The following POLR3B variants were observed in gnomAD, a reference collection of about 807,000 sequenced individuals.
POLR3B encodes the protein DNA-directed RNA polymerase III subunit RPC2.
POLR3B carries 96 observed loss-of-function variants against 147.4 expected under a neutral mutation model. The observed-to-expected ratio is 0.65, with a 90% CI of 0.55 to 0.77. The LOEUF (loss-of-function observed/expected upper bound fraction) is 0.77, where lower values mean the gene tolerates loss of function less well. Among genes scored for constraint, POLR3B ranks in the 30% least tolerant of loss-of-function variants. The pLI is 0.00. For missense variants in POLR3B, 1,036 were observed against 1,413.5 expected, an observed-to-expected ratio of 0.73 and a Z score of 4.28; for synonymous variants, 461 against 485.9, an observed-to-expected ratio of 0.95 and a Z score of 0.67.
At chr12:106,463,955 A>C (rs376695480) in intron 23 of POLR3B, among the ~76,000 whole-genome samples, 2 of 151,794 alleles carry the variant, frequency 1.3e-5, no homozygotes, top group Non-Finnish European at 2.9e-5. Flanking sequence ...TTTCTGAAAG[A>C]TACATCTTTA....
intron 23 of POLR3B, among the ~76,000 whole-genome samples, chr12:106,489,015 A>T (rs1451215690): frequency 1.3e-5 from 2 of 152,208 alleles, no homozygotes; most frequent in African/African-American, 4.8e-5. Flanking sequence ...GAGAGAAAAA[A>T]AAAGCAATAT....
intron 18 of POLR3B, among the ~76,000 whole-genome samples, chr12:106,441,602 A>G (rs2037652050): frequency 6.6e-6 from 1 of 152,214 alleles, no homozygotes; most frequent in African/African-American, 2.4e-5. Context: ...GTGGTGTGTG[A>G]CTGTATACAT....
intron 1 of POLR3B, among the ~76,000 whole-genome samples, chr12:106,362,546 C>T (rs1425704373): frequency 2.0e-5 from 3 of 152,314 alleles, no homozygotes; most frequent in African/African-American, 7.2e-5. Context: ...CATCCCTTGG[C>T]TTGCAGAAGC....
intron 10 of POLR3B, among the ~76,000 whole-genome samples, chr12:106,396,654 C>G (rs2036983690): frequency 6.6e-6 from 1 of 152,138 alleles, no homozygotes; most frequent in Non-Finnish European, 1.5e-5. Context: ...GTTAGGAAAG[C>G]CTTCGGAGAG....
In POLR3B at chr12:106,398,472, T is replaced by C. The variant is rs544586400; in HGVS notation, c.846+5319T>C. 9.7e-3 allele frequency among the ~76,000 whole-genome samples: 1,474 copies of C among 152,310 alleles called. 25 individuals carry two copies. The highest frequency in any genetic ancestry group is 0.034 in the African/African-American group (1,408 of 41,564). ...GACTTAAATGTCCCTCTCTGACAGC[T>C]TTGAAGAGAGTAGTGGTTCTCCCAG... On this transcript the variant is annotated intron_variant, in intron 10 of 27. Coordinates refer to ENST00000228347, the MANE Select transcript of POLR3B (RefSeq NM_018082.6).
intron 23 of POLR3B, among the ~76,000 whole-genome samples, chr12:106,471,895 G>A (rs190527286): frequency 9.6e-4 from 145 of 151,034 alleles, no homozygotes; most frequent in Non-Finnish European, 1.5e-3. Flanking sequence ...AAGTTTTAGG[G>A]TACATGTGCA....
intron 12 of POLR3B, among the ~76,000 whole-genome samples, chr12:106,421,087 G>A (rs763856488): frequency 5.3e-5 from 8 of 151,806 alleles, no homozygotes; most frequent in Admixed American, 5.3e-4. Flanking sequence ...TCAACATTAA[G>A]ATGTGTCTAT....
chr12:106,401,229 A>G (rs1177879700), intron 10 of POLR3B, among the ~76,000 whole-genome samples: 1 of 152,248 alleles, frequency 6.6e-6, no homozygotes, highest in Non-Finnish European at 1.5e-5. Context: ...TCTAGAAGAA[A>G]TGGATAAACT....
At position 106,398,227 on chromosome 12, in the gene POLR3B, G is replaced by A. The variant is rs183366105; in HGVS notation, c.846+5074G>A. Among the ~76,000 whole-genome samples, 441 of 152,326 alleles carry A rather than the reference G, an allele frequency of 2.9e-3. 4 individuals are homozygous for A. The highest frequency in any genetic ancestry group is 9.9e-3 in the African/African-American group (411 of 41,570). On this transcript the variant is annotated intron_variant, in intron 10 of 27. Transcript: ENST00000228347. Reference sequence around the variant, plus strand: ...GAGGGTCCTATGCCCACGGAGTCTCGCTCATTGCTAGCACAGCAGTCTGAG... The same window carrying A: ...GAGGGTCCTATGCCCACGGAGTCTCACTCATTGCTAGCACAGCAGTCTGAG...
At chr12:106,369,244 A>G (rs1291950245) in intron 4 of POLR3B, 31 bp from the exon 5 acceptor site, 3 of 1,163,136 alleles carry the variant, frequency 2.6e-6, no homozygotes, top group Middle Eastern at 1.9e-4. Flanking sequence ...TCGAAGAAGT[A>G]TAATTCATAC....
intron 22 of POLR3B, 108 bp downstream of exon 22, chr12:106,459,476 T>C (rs972825591): frequency 2.7e-6 from 2 of 750,152 alleles, no homozygotes; most frequent in Non-Finnish European, 4.9e-6. Context: ...GAAATAGCAA[T>C]TTGGGGTAGC....
chr12:106,432,198 C>T, intron 14 of POLR3B, 120 bp from the exon 15 acceptor site: 1 of 825,424 alleles, frequency 1.2e-6, no homozygotes, highest in South Asian at 1.4e-5. Context: ...CCACAGTATC[C>T]CCTACAAAGT....
chr12:106,432,826 C>T (rs1029429083), intron 15 of POLR3B, among the ~76,000 whole-genome samples: 33 of 152,132 alleles, frequency 2.2e-4, no homozygotes, highest in African/African-American at 8.0e-4. Flanking sequence ...ATTATCAGAT[C>T]AACTCTTATA....
intron 6 of POLR3B, among the ~76,000 whole-genome samples, chr12:106,375,678 T>G (rs1291371143): frequency 6.6e-6 from 1 of 152,200 alleles, no homozygotes; most frequent in African/African-American, 2.4e-5. Flanking sequence ...TGCTCAGTTC[T>G]TTTTCCAGAC....
intron 10 of POLR3B, among the ~76,000 whole-genome samples, chr12:106,402,095 A>G (rs1255927194): frequency 6.6e-6 from 1 of 151,794 alleles, no homozygotes; most frequent in East Asian, 1.9e-4. Flanking sequence ...CCTTAAGCTG[A>G]TAAGCAACTT....
Position 106,407,824 on chromosome 12 carries a change from C to T in POLR3B, c.966+1848C>T, listed in dbSNP as rs1055544206. Reference sequence around the variant, plus strand: ...AGCCTGGGCAACAAGAGCAAAACTCCGACTCAAAAAAAAAAAATCATTTGT... The same window carrying T: ...AGCCTGGGCAACAAGAGCAAAACTCTGACTCAAAAAAAAAAAATCATTTGT... On this transcript the variant is annotated intron_variant, in intron 11 of 27. Coordinates refer to ENST00000228347, the MANE Select transcript of POLR3B (RefSeq NM_018082.6). Among the ~76,000 whole-genome samples the T allele has an allele frequency of 8.0e-5, 12 of 150,558 alleles. No individual in the cohort carries two copies. The East Asian group carries it at 1.6e-3, about 19-fold the overall frequency.
At chr12:106,479,069 T>C (rs889566232) in intron 23 of POLR3B, among the ~76,000 whole-genome samples, 4 of 152,164 alleles carry the variant, frequency 2.6e-5, no homozygotes, top group African/African-American at 4.8e-5. Context: ...TTTCATAGGC[T>C]CTTCTTTCAT....
chr12:106,428,139 T>C (rs2037461015), intron 13 of POLR3B, among the ~76,000 whole-genome samples: 1 of 152,224 alleles, frequency 6.6e-6, no homozygotes. Context: ...ACCAGGCCTT[T>C]GTCCCTATTT....
intron 10 of POLR3B, among the ~76,000 whole-genome samples, chr12:106,394,142 G>A (rs2036951844): frequency 6.6e-6 from 1 of 152,008 alleles, no homozygotes; most frequent in East Asian, 1.9e-4. Context: ...TGATATTTTT[G>A]TAGACTACAC....
Sources: gnomAD v4.1 joint callset for allele counts (sites outside exome capture counted in the v4.1 genomes callset) on GRCh38, gnomAD v4.1.1 for gene constraint, MANE v1.5 for transcripts, NCBI Gene and HGNC (gene_info 2026-07-23, HGNC 2026-07-21) for gene names.